LSAMP: variants seen among roughly 807,000 people sequenced by gnomAD.
LSAMP encodes limbic system associated membrane protein.
A neutral mutation model predicts 38.6 loss-of-function variants in LSAMP; 7 were observed. The ratio of observed to expected loss-of-function variants is 0.18; its 90% CI spans 0.10 to 0.34. The LOEUF (loss-of-function observed/expected upper bound fraction) is 0.34. LSAMP is among the 10% of genes least tolerant of loss of function. The probability of loss-of-function intolerance (pLI) is 1.00; values close to 1 mark genes in which losing one functional copy is unlikely to be tolerated. For synonymous variants in LSAMP, 154 were observed against 166.8 expected (o/e 0.92, Z 0.59); for missense variants, 313 against 420.0 (o/e 0.75, Z 2.23).
At chr3:116,328,469 T>C (rs964787134) in intron 1 of LSAMP, among the ~76,000 whole-genome samples, 11 of 152,192 alleles carry the variant, frequency 7.2e-5, no homozygotes, top group African/African-American at 2.7e-4. Context: ...AAACTCAAAT[T>C]AGAGATTAAC....
rs1380562869 is a variant in LSAMP, at chr3:116,422,688, T to G, written c.155+22189A>C. ...GATGATGGCTGCAAAACTCTGTACA[T>G]TACTGATAATGAATTGAAATGAATA... is the stretch of plus-strand genomic sequence containing the variant. On this transcript the variant is annotated intron_variant, in intron 1 of 6. Coordinates refer to ENST00000490035, the MANE Select transcript of LSAMP (RefSeq NM_002338.5). 2.6e-5 allele frequency among the ~76,000 whole-genome samples: 4 copies of G among 152,346 alleles called. No individual in the cohort carries two copies. In the South Asian group the frequency reaches 8.3e-4, roughly 32 times the overall value.
intron 1 of LSAMP, among the ~76,000 whole-genome samples, chr3:116,281,209 A>G (rs1486390163): frequency 6.6e-6 from 1 of 152,172 alleles, no homozygotes; most frequent in East Asian, 1.9e-4. Flanking sequence ...AGGGGAAAAG[A>G]AGGACATTAA....
At chr3:116,123,618 A>T (rs904067299) in intron 1 of LSAMP, among the ~76,000 whole-genome samples, 5 of 152,234 alleles carry the variant, frequency 3.3e-5, no homozygotes, top group Non-Finnish European at 5.9e-5. Context: ...TGAATCAAAA[A>T]TGTTTCCTTG....
chr3:115,936,198 G>A (rs114965793), intron 3 of LSAMP, among the ~76,000 whole-genome samples: 1,804 of 152,232 alleles, frequency 0.012, 21 homozygotes, highest in Non-Finnish European at 0.019. Context: ...TTGCTTTAGC[G>A]AGTCAGTATT....
At chr3:116,019,144 G>T (rs1940564410) in intron 3 of LSAMP, among the ~76,000 whole-genome samples, 1 of 107,722 alleles carries the variant, frequency 9.3e-6, no homozygotes, top group African/African-American at 4.0e-5. Flanking sequence ...TTCTGTATTT[G>T]TTGCATTGTG....
At chr3:115,979,549 T>C (rs1001258454) in intron 3 of LSAMP, among the ~76,000 whole-genome samples, 17 of 152,092 alleles carry the variant, frequency 1.1e-4, no homozygotes, top group Non-Finnish European at 7.4e-5. Flanking sequence ...TAGAAGTACC[T>C]TTGGGCCCAG....
At chr3:115,811,678 A>G (rs1038085633) in intron 6 of LSAMP, among the ~76,000 whole-genome samples, 5 of 152,154 alleles carry the variant, frequency 3.3e-5, no homozygotes, top group Admixed American at 2.6e-4. Flanking sequence ...TGGAGATAGG[A>G]TAACAAGGAA....
chr3:115,991,696 C>T (rs1460967455), intron 3 of LSAMP, among the ~76,000 whole-genome samples: 1 of 152,070 alleles, frequency 6.6e-6, no homozygotes, highest in African/African-American at 2.4e-5. Flanking sequence ...TGTAGCCACT[C>T]TGTCTAACCT....
intron 1 of LSAMP, among the ~76,000 whole-genome samples, chr3:116,091,447 C>T (rs1708121048): frequency 6.6e-6 from 1 of 152,174 alleles, no homozygotes; most frequent in Non-Finnish European, 1.5e-5. Flanking sequence ...TAGGAAATCA[C>T]AAGGGTATTG....
chr3:115,826,632 C>T (rs191147078), intron 6 of LSAMP, among the ~76,000 whole-genome samples: 62 of 152,252 alleles, frequency 4.1e-4, no homozygotes, highest in South Asian at 8.3e-4. Flanking sequence ...CCCCAAAACC[C>T]GGCTCAGAGC....
intron 1 of LSAMP, among the ~76,000 whole-genome samples, chr3:116,177,031 A>T (rs1256818000): frequency 2.6e-5 from 4 of 152,182 alleles, no homozygotes; most frequent in Non-Finnish European, 5.9e-5. Flanking sequence ...TTACATAATT[A>T]GATAAAAGCA....
intron 2 of LSAMP, among the ~76,000 whole-genome samples, chr3:116,052,641 C>A (rs56005976): frequency 0.016 from 2,476 of 152,224 alleles, 60 homozygotes; most frequent in African/African-American, 0.055. Flanking sequence ...TTGTGTTTAA[C>A]CTCTGTTGAG....
intron 1 of LSAMP, among the ~76,000 whole-genome samples, chr3:116,307,307 C>G (rs1225018742): frequency 6.6e-6 from 1 of 151,896 alleles, no homozygotes; most frequent in African/African-American, 2.4e-5. Flanking sequence ...ACATTTTCAG[C>G]TGATTTACTT....
At chr3:116,185,030 C>CTTTTT (rs368314567) in intron 1 of LSAMP, among the ~76,000 whole-genome samples, 1,370 of 117,642 alleles carry the variant, frequency 0.012, 26 homozygotes, top group African/African-American at 0.035. Flanking sequence ...TTCTTTCTTT[C>CTTTTT]TTTTTTTTTT....
chr3:116,243,218 C>T (rs1333637203), intron 1 of LSAMP, among the ~76,000 whole-genome samples: 1 of 152,062 alleles, frequency 6.6e-6, no homozygotes, highest in Non-Finnish European at 1.5e-5. Context: ...TCAACTGAGG[C>T]AAAAAGGACA....
At chr3:116,272,745 TC>T (rs2046991334) in intron 1 of LSAMP, among the ~76,000 whole-genome samples, 1 of 152,174 alleles carries the variant, frequency 6.6e-6, no homozygotes, top group Admixed American at 6.6e-5. Flanking sequence ...AATAATGTCC[TC>T]CTGTATGTGT....
chr3:115,802,629 C>A lies in LSAMP; in HGVS notation c.*7688G>T, dbSNP rs3087850. ...AACAAAAATGAAAAACCTTGAAAAA[C>A]AAAAAATCCCAAACAAAAAATGGCC... On this transcript the variant is annotated 3_prime_UTR_variant, in exon 7 of 7. Transcript: ENST00000490035. 6.7e-6 allele frequency: 1 copy of A among 149,774 alleles called. No homozygotes were observed. 9.3% of individuals were successfully genotyped at this position (149,774 alleles called of 1,614,324 possible).
At chr3:116,042,275 C>T (rs28406209) in intron 2 of LSAMP, among the ~76,000 whole-genome samples, 3,395 of 152,176 alleles carry the variant, frequency 0.022, 108 homozygotes, top group African/African-American at 0.074. Flanking sequence ...ATCCTCTGTC[C>T]TACTGTAGGA....
chr3:116,113,104 G>A (rs758211766), intron 1 of LSAMP, among the ~76,000 whole-genome samples: 3 of 152,046 alleles, frequency 2.0e-5, no homozygotes, highest in Non-Finnish European at 4.4e-5. Context: ...GAGAAACAGT[G>A]AGAAGTGAAG....
Sources: gnomAD v4.1 joint callset for allele counts (sites outside exome capture counted in the v4.1 genomes callset) on GRCh38, gnomAD v4.1.1 for gene constraint, MANE v1.5 for transcripts, NCBI Gene and HGNC (gene_info 2026-07-23, HGNC 2026-07-21) for gene names.